The following SMC2 variants were observed in gnomAD, a reference collection of about 807,000 sequenced individuals.
SMC2 encodes structural maintenance of chromosomes 2.
Under a neutral mutation model 142.6 loss-of-function variants are expected in SMC2, and 41 were observed. That is an observed-to-expected ratio of 0.29 (90% confidence interval 0.22 to 0.37). SMC2 has a LOEUF of 0.37. Ranked by LOEUF, SMC2 falls within the 10% of genes least tolerant of loss-of-function variation. The pLI is 1.00. For synonymous variants in SMC2, 463 were observed against 457.5 expected (o/e 1.01, Z -0.15); for missense variants, 1,265 against 1,373.7 (o/e 0.92, Z 1.25).
chr9:104,115,511 G>T (rs565778855), intron 13 of SMC2, among the ~76,000 whole-genome samples: 1 of 150,152 alleles, frequency 6.7e-6, no homozygotes, highest in Admixed American at 6.6e-5. Context: ...GGAAGTGGAG[G>T]TTGCGGTAAG....
rs750510328 is a variant in SMC2 at position 104,095,498 on chromosome 9, A to G, written c.114A>G (p.Lys38=). 7 of 1,614,038 alleles carry G rather than the reference A, an allele frequency of 4.3e-6. No homozygotes were observed. The highest frequency in any genetic ancestry group is 5.9e-6 in the Non-Finnish European group (7 of 1,179,912). ...TCACTGGCTTAAATGGTAGTGGGAA[A>G]TCCAACATATTGGACTCCATCTGCT... ...NAITGLNGSG[K]SNILDSICFL... is the part of the protein sequence containing the mutation. The change falls in exon 2 of 25, where the codon AAA becomes AAG. Residue 38 remains lysine, a synonymous_variant. Transcript: ENST00000374793.
chr9:104,129,542 C>T (rs1203023755), intron 20 of SMC2, 103 bp from the exon 21 acceptor site: 22 of 916,030 alleles, frequency 2.4e-5, no homozygotes, highest in Admixed American at 2.3e-4. Context: ...GTTTTTTCCT[C>T]TTCAGTATTT....
In SMC2 at chr9:104,114,630, A is replaced by G. The variant is rs1832877085; in HGVS notation, c.1533-61A>G. The stretch of plus-strand genomic sequence containing the variant: ...TTGTCCAAAAGAGCTCCTGATGAGT[A>G]AAGTATAACTTTTTCTACTTTATTA... On this transcript the variant is annotated intron_variant, in intron 12 of 24. Transcript: ENST00000374793. 5 of 1,435,080 alleles carry G rather than the reference A, an allele frequency of 3.5e-6. No homozygotes were observed. The South Asian group carries it at 6.5e-5, about 19-fold the overall frequency. The allele number at this position is 1,435,080 out of a possible 1,614,324, so 88.9% of individuals were successfully genotyped here.
the SMC2 span, among the ~76,000 whole-genome samples, chr9:104,088,422 A>G: frequency 2.0e-5 from 3 of 152,108 alleles, no homozygotes; most frequent in Non-Finnish European, 2.9e-5. Flanking sequence ...AGGTCAGAAG[A>G]AAAGTGTGGA....
intron 9 of SMC2, among the ~76,000 whole-genome samples, chr9:104,108,805 T>C (rs2131364789): frequency 6.6e-6 from 1 of 152,256 alleles, no homozygotes; most frequent in African/African-American, 2.4e-5. Context: ...CCCACAAGTG[T>C]TGGATGGAGT....
In SMC2 at chr9:104,113,428, G is replaced by C; in HGVS notation, c.1367G>C (p.Arg456Thr). 1.2e-6 allele frequency: 2 copies of C among 1,603,388 alleles called. No individual in the cohort carries two copies. The highest frequency in any genetic ancestry group is 1.1e-5 in the South Asian group (1 of 88,780). The change falls in exon 11 of 25, where the codon AGA becomes ACA. Residue 456 changes from arginine to threonine, a missense_variant. Physicochemically the swap from Arg to Thr is moderately conservative, Grantham distance 71. Transcript: ENST00000374793. ...CAAGAAGCTCTAGAAGCTGTAAAAA[G>C]ACTTAAAGAAAAACTTGAAGCTGAA... The part of the protein sequence containing the change: ...KDQEALEAVK[R>T]LKEKLEAEMK...
chr9:104,092,570 AG>A (rs1289675066), upstream of SMC2: 1 of 152,236 alleles, frequency 6.6e-6, no homozygotes, highest in Non-Finnish European at 1.5e-5. Flanking sequence ...TGTGGAGCCC[AG>A]GGGATGCAGG....
chr9:104,103,442 A>C (rs924338011), intron 9 of SMC2, among the ~76,000 whole-genome samples: 15 of 152,208 alleles, frequency 9.9e-5, no homozygotes, highest in Non-Finnish European at 1.3e-4. Context: ...GGGATAAATA[A>C]ATTCTATATT....
chr9:104,095,294 C>A, intron 1 of SMC2, 30 bp from the exon 2 acceptor site: 2 of 1,010,826 alleles, frequency 2.0e-6, no homozygotes, highest in Admixed American at 2.2e-5. Context: ...TTACATTCCA[C>A]TTAGGTGGTG....
Position 104,134,618 on chromosome 9 carries a change from A to T in SMC2, c.3269+43A>T, listed in dbSNP as rs1296776325. ...TATATTATAATTTTCATTCCTCTTT[A>T]TTATAATTCATCTCCTTACCTTAAA... On this transcript the variant is annotated intron_variant, in intron 23 of 24. Coordinates refer to ENST00000374793, the MANE Select transcript of SMC2 (RefSeq NM_006444.3). The T allele has an allele frequency of 1.1e-5, 11 of 994,452 alleles. No homozygotes were observed. The African/African-American group carries it at 1.5e-4, about 13-fold the overall frequency. 61.6% of individuals were successfully genotyped at this position (994,452 alleles called of 1,614,324 possible). A position where few individuals can be genotyped will look rare whatever the true frequency, so the allele number is the denominator to read the frequency against.
intron 9 of SMC2, among the ~76,000 whole-genome samples, chr9:104,104,960 G>A (rs993926207): frequency 6.6e-5 from 10 of 152,182 alleles, no homozygotes; most frequent in African/African-American, 2.2e-4. Context: ...TGTTAAAGAG[G>A]TCAAAGAAGG....
intron 23 of SMC2, 23 bp downstream of exon 23, chr9:104,134,598 T>C: frequency 6.8e-7 from 1 of 1,475,984 alleles, no homozygotes; most frequent in Admixed American, 2.0e-5. Flanking sequence ...TTTGCTATAT[T>C]ATAATTTTCA....
At chr9:104,109,096 C>T (rs553065016) in intron 9 of SMC2, among the ~76,000 whole-genome samples, 1 of 152,246 alleles carries the variant, frequency 6.6e-6, no homozygotes, top group African/African-American at 2.4e-5. Flanking sequence ...CTAAGGACAC[C>T]CAGATGACTG....
At position 104,118,358 on chromosome 9, in the gene SMC2, A is replaced by T; in HGVS notation, c.1979A>T (p.His660Leu). The T allele has an allele frequency of 6.2e-7, 1 of 1,613,158 alleles. No homozygotes were observed. The highest frequency in any genetic ancestry group is 1.7e-5 in the Admixed American group (1 of 59,976). Residue 660 changes from histidine to leucine, a missense_variant, in exon 15 of 25, where the codon CAT becomes CTT. Around this residue, in one of 4 missense-constraint regions of SMC2, gnomAD observed 898 missense variants for 904.2 expected, o/e 0.99. Coordinates refer to ENST00000374793, the MANE Select transcript of SMC2 (RefSeq NM_006444.3). ...VTLGGDVFDPHGTLSGGARSQ... is the reference protein window; with the variant it reads ...VTLGGDVFDPLGTLSGGARSQ... ...CTCGGAGGTGATGTGTTTGATCCTC[A>T]TGGGACATTGAGTGGAGGTAAGTTT...
At chr9:104,125,871 C>T (rs16923712) in intron 18 of SMC2, among the ~76,000 whole-genome samples, 8,631 of 151,980 alleles carry the variant, frequency 0.057, 656 homozygotes, top group African/African-American at 0.18. Context: ...ATATTTCCCT[C>T]GCATTTTTTT....
chr9:104,137,045 G>A (rs555873691), intron 23 of SMC2, among the ~76,000 whole-genome samples: 96 of 152,182 alleles, frequency 6.3e-4, no homozygotes, highest in Admixed American at 1.9e-3. Flanking sequence ...CTACTAGGGA[G>A]GCTGTGGCAG....
chr9:104,138,842 C>G (rs972543054), intron 24 of SMC2, among the ~76,000 whole-genome samples: 4 of 152,028 alleles, frequency 2.6e-5, no homozygotes, highest in Non-Finnish European at 4.4e-5. Flanking sequence ...ATTAAAATGT[C>G]ACAAGAAAAA....
In SMC2 at chr9:104,100,215, C is replaced by G; in HGVS notation, c.591+12C>G. The G allele has an allele frequency of 1.3e-6, 2 of 1,491,938 alleles. No homozygotes were observed. Among genetic ancestry groups the G allele is most frequent in the Non-Finnish European group, 9.1e-7 (1 of 1,103,792 alleles). 92.4% of individuals were successfully genotyped at this position (1,491,938 alleles called of 1,614,324 possible). On this transcript the variant is annotated intron_variant, in intron 6 of 24. Coordinates refer to ENST00000374793, the MANE Select transcript of SMC2 (RefSeq NM_006444.3). Reference sequence around the variant, plus strand: ...AAGAAATTAAGACGGTAATTTAATTCATATAAAATATTTTCGGAGAAGAAT... The same window carrying G: ...AAGAAATTAAGACGGTAATTTAATTGATATAAAATATTTTCGGAGAAGAAT...
intron 16 of SMC2, among the ~76,000 whole-genome samples, chr9:104,120,999 A>T (rs189528660): frequency 1.6e-4 from 24 of 152,330 alleles, no homozygotes; most frequent in Admixed American, 3.9e-4. Context: ...GATAGGAGCT[A>T]TCTAGGGCAA....
Sources: allele counts gnomAD v4.1 joint callset (sites outside exome capture counted in the v4.1 genomes callset), GRCh38; gene constraint gnomAD v4.1.1; regional missense constraint gnomAD v4.1.1; transcripts MANE v1.5; gene names NCBI Gene and HGNC (gene_info 2026-07-23, HGNC 2026-07-21).